ALMS1: variants seen among roughly 807,000 people sequenced by gnomAD.
ALMS1 encodes centrosome-associated protein ALMS1.
Under a neutral mutation model 352.2 loss-of-function variants are expected in ALMS1, and 271 were observed. That is an observed-to-expected ratio of 0.77 (90% confidence interval 0.70 to 0.85). The LOEUF is 0.85. Among genes scored for constraint, ALMS1 ranks in the 40% least tolerant of loss-of-function variants. The probability of loss-of-function intolerance (pLI) is 0.00; values close to 1 mark genes in which losing one functional copy is unlikely to be tolerated. For missense variants in ALMS1, 5,445 were observed against 4,870.7 expected (o/e 1.12, Z -3.51); for synonymous variants, 1,865 against 1,761.2 (o/e 1.06, Z -1.48).
intron 9 of ALMS1, among the ~76,000 whole-genome samples, chr2:73,462,424 C>A (rs1672224946): frequency 6.6e-6 from 1 of 152,090 alleles, no homozygotes; most frequent in Non-Finnish European, 1.5e-5. Context: ...TTTGTCACCA[C>A]CAGGCCTGCC....
chr2:73,535,410 A>G (rs570615743), intron 12 of ALMS1, among the ~76,000 whole-genome samples: 8 of 152,224 alleles, frequency 5.3e-5, no homozygotes, highest in South Asian at 2.1e-4. Flanking sequence ...ATAAATAACA[A>G]TGATGACTTA....
intron 21 of ALMS1, among the ~76,000 whole-genome samples, chr2:73,606,646 G>A (rs1404887128): frequency 6.6e-6 from 1 of 152,150 alleles, no homozygotes; most frequent in South Asian, 2.1e-4. Context: ...CTCTTTTCAA[G>A]GGAGTGATCT....
At position 73,557,506 on chromosome 2, in the gene ALMS1, A is replaced by T. The variant is rs1674571678; in HGVS notation, c.10213+152A>T. Reference sequence around the variant, plus strand: ...CATGTATATATGAAATAGTTAAGGTATGTTTAGCTATATTTTTTATATACT... The same window carrying T: ...CATGTATATATGAAATAGTTAAGGTTTGTTTAGCTATATTTTTTATATACT... On this transcript the variant is annotated intron_variant, in intron 14 of 22. Coordinates refer to ENST00000613296, the MANE Select transcript of ALMS1 (RefSeq NM_001378454.1). The T allele has an allele frequency of 4.9e-6, 5 of 1,011,650 alleles. No individual in the cohort carries two copies. The East Asian group carries it at 1.1e-4, about 22-fold the overall frequency. 62.7% of individuals were successfully genotyped at this position (1,011,650 alleles called of 1,614,324 possible). A position where few individuals can be genotyped will look rare whatever the true frequency, so the allele number is the denominator to read the frequency against.
In ALMS1 at chr2:73,464,060, A is replaced by G. The variant is rs371791133; in HGVS notation, c.7674+8765A>G. ...ATTCCTTCTGAAACTATTCCAATCA[A>G]TAGAAAAAGAGGGAATCCTCCCTAA... On this transcript the variant is annotated intron_variant, in intron 9 of 22. Coordinates refer to ENST00000613296, the MANE Select transcript of ALMS1 (RefSeq NM_001378454.1). 2.2e-4 allele frequency among the ~76,000 whole-genome samples: 33 copies of G among 152,362 alleles called. No individual in the cohort carries two copies. The East Asian group carries it at 5.8e-3, about 27-fold the overall frequency.
At chr2:73,415,866 G>A (rs931447216) in intron 2 of ALMS1, among the ~76,000 whole-genome samples, 4 of 152,162 alleles carry the variant, frequency 2.6e-5, no homozygotes, top group African/African-American at 7.2e-5. Context: ...TATAAGGATG[G>A]CTCTGAACTC....
At position 73,604,024 on chromosome 2, in the gene ALMS1, C is replaced by T. The variant is rs147376131; in HGVS notation, c.12362+720C>T. ...AAACTTTTTTAAAAGATTAAAATTT[C>T]GAAGCATGTGAACACTGTTTCCATT... On this transcript the variant is annotated intron_variant, in intron 21 of 22. Coordinates refer to ENST00000613296, the MANE Select transcript of ALMS1 (RefSeq NM_001378454.1). 1,199 of 152,256 alleles carry T rather than the reference C, an allele frequency of 7.9e-3. 8 individuals carry two copies. The highest frequency in any genetic ancestry group is 9.3e-3 in the South Asian group (45 of 4,818). 9.4% of individuals were successfully genotyped at this position (152,256 alleles called of 1,614,324 possible). A position where few individuals can be genotyped will look rare whatever the true frequency, so the allele number is the denominator to read the frequency against.
At chr2:73,514,608 G>GTGTA (rs1673519460) in intron 10 of ALMS1, among the ~76,000 whole-genome samples, 1 of 152,080 alleles carries the variant, frequency 6.6e-6, no homozygotes, top group Non-Finnish European at 1.5e-5. Context: ...ATACACAAGA[G>GTGTA]TGTATGTATG....
Position 73,393,817 on chromosome 2 carries a change from CT to C in ALMS1, c.324+7641del, listed in dbSNP as rs1379885347. ...TATGCCCACCTTATTCCAGGAAACACTTTTTTTTTTTTTTTTCTGAGATAGG... is the reference window on the plus strand; with the variant it reads ...TATGCCCACCTTATTCCAGGAAACACTTTTTTTTTTTTTTTCTGAGATAGG... On this transcript the variant is annotated intron_variant, in intron 1 of 22. Transcript: ENST00000613296. Among the ~76,000 whole-genome samples the C allele has an allele frequency of 9.9e-3, 1,402 of 142,312 alleles. 17 individuals are homozygous for C. The highest frequency in any genetic ancestry group is 0.03 in the African/African-American group (1,149 of 38,940). 93.4% of individuals were successfully genotyped at this position (142,312 alleles called of 152,430 possible).
intron 1 of ALMS1, among the ~76,000 whole-genome samples, chr2:73,387,320 G>A (rs1462706564): frequency 6.6e-6 from 1 of 152,224 alleles, no homozygotes; most frequent in Admixed American, 6.5e-5. Flanking sequence ...TCATGGTCTA[G>A]ACAGGGAGGC....
intron 16 of ALMS1, among the ~76,000 whole-genome samples, chr2:73,591,003 T>G (rs1252971859): frequency 1.3e-5 from 2 of 152,002 alleles, no homozygotes; most frequent in African/African-American, 4.8e-5. Context: ...AGAGATGTGG[T>G]CTTGCTATGT....
intron 11 of ALMS1, among the ~76,000 whole-genome samples, chr2:73,528,299 C>G (rs1223204484): frequency 6.6e-6 from 1 of 152,118 alleles, no homozygotes; most frequent in Admixed American, 6.5e-5. Flanking sequence ...TCTGGATGAT[C>G]TGTCCAATAC....
chr2:73,552,661 CCCTCCT>C (rs1674464061), intron 13 of ALMS1, among the ~76,000 whole-genome samples: 2 of 152,182 alleles, frequency 1.3e-5, no homozygotes, highest in Non-Finnish European at 2.9e-5. Context: ...TAAGGAAAAG[CCCTCCT>C]CCTGGCTTAG....
chr2:73,565,360 A>G, intron 15 of ALMS1, among the ~76,000 whole-genome samples: 1 of 152,240 alleles, frequency 6.6e-6, no homozygotes, highest in African/African-American at 2.4e-5. Context: ...AAGCTGGGAC[A>G]GTTTCTGTAG....
rs1196444124 is a variant in ALMS1, at chr2:73,455,082, TTGATGATCTTC to T, written c.7541-77_7541-67del. 13 of 1,474,082 alleles carry T rather than the reference TTGATGATCTTC, an allele frequency of 8.8e-6. No individual in the cohort carries two copies. The South Asian group carries it at 9.2e-5, about 10-fold the overall frequency. The allele number at this position is 1,474,082 out of a possible 1,614,324, so 91.3% of individuals were successfully genotyped here. ...TGCAGTGGGTATTAAATTGCATATA[TTGATGATCTTC>T]TGTGTTGCAATTGTTGACAAATTAT... On this transcript the variant is annotated intron_variant, in intron 8 of 22. Coordinates refer to ENST00000613296, the MANE Select transcript of ALMS1 (RefSeq NM_001378454.1).
At chr2:73,559,281 T>C in intron 15 of ALMS1, 139 bp downstream of exon 15, 1 of 990,648 alleles carries the variant, frequency 1.0e-6, no homozygotes, top group Non-Finnish European at 1.5e-6. Context: ...AAAACTTTCT[T>C]GTGTAAAGTA....
At chr2:73,443,078 G>GATTTT (rs1671748530) in intron 7 of ALMS1, among the ~76,000 whole-genome samples, 1 of 152,072 alleles carries the variant, frequency 6.6e-6, no homozygotes, top group Admixed American at 6.5e-5. Flanking sequence ...CTGAATTACT[G>GATTTT]CATTAGTAAT....
chr2:73,504,768 A>G (rs1673286551), intron 10 of ALMS1, among the ~76,000 whole-genome samples: 1 of 152,064 alleles, frequency 6.6e-6, no homozygotes, highest in South Asian at 2.1e-4. Flanking sequence ...TTTGGAATAC[A>G]TGTGCTGAAT....
At chr2:73,602,053 C>G in intron 19 of ALMS1, 132 bp from the exon 20 acceptor site, 4 of 947,236 alleles carry the variant, frequency 4.2e-6, no homozygotes, top group Non-Finnish European at 3.3e-6. Context: ...TTCTTCAACG[C>G]TAGATACTTT....
At chr2:73,471,935 A>G (rs1672477534) in intron 9 of ALMS1, among the ~76,000 whole-genome samples, 1 of 152,066 alleles carries the variant, frequency 6.6e-6, no homozygotes, top group Non-Finnish European at 1.5e-5. Context: ...TAGCCAAGAT[A>G]TATAAACAAG....
Sources: allele counts gnomAD v4.1 joint callset (sites outside exome capture counted in the v4.1 genomes callset), GRCh38; gene constraint gnomAD v4.1.1; transcripts MANE v1.5; gene names NCBI Gene and HGNC (gene_info 2026-07-23, HGNC 2026-07-21).